The following ZC3H12B variants were observed in gnomAD, a reference collection of about 807,000 sequenced individuals.
ZC3H12B encodes zinc finger CCCH-type containing 12B.
In ZC3H12B, 7 loss-of-function variants were observed where a neutral mutation model predicts 43.9. The ratio of observed to expected loss-of-function variants is 0.16; its 90% confidence interval spans 0.09 to 0.30. ZC3H12B has a LOEUF of 0.30. Among genes scored for constraint, ZC3H12B ranks in the 10% least tolerant of loss-of-function variants. The pLI, the probability that ZC3H12B is intolerant of heterozygous loss-of-function variation, is 1.00. For missense variants in ZC3H12B, 475 were observed against 670.2 expected (o/e 0.71, Z 3.22); for synonymous variants, 222 against 241.7 (o/e 0.92, Z 0.76).
At chrX:65,079,981 T>C in the ZC3H12B span, among the ~76,000 whole-genome samples, 1 of 110,844 alleles carries the variant, frequency 9.0e-6, no homozygotes, top group Non-Finnish European at 1.9e-5. Context: ...GAAGATAACA[T>C]GGAGTTGGAA....
At chrX:65,154,693 A>G in the ZC3H12B span, among the ~76,000 whole-genome samples, 61 of 111,252 alleles carry the variant, frequency 5.5e-4, no homozygotes, top group African/African-American at 2.0e-3. Flanking sequence ...CTACAAAAAT[A>G]AAAGAATTAG....
At chrX:65,329,646 T>G in the ZC3H12B span, among the ~76,000 whole-genome samples, 2 of 110,774 alleles carry the variant, frequency 1.8e-5, no homozygotes, top group African/African-American at 3.4e-5. Context: ...CTGAATGGTA[T>G]TGCCTAGGTT....
chrX:65,412,124 C>T (rs1054704094), intron 3 of ZC3H12B, among the ~76,000 whole-genome samples: 2 of 111,171 alleles, frequency 1.8e-5, no homozygotes, highest in Non-Finnish European at 3.8e-5. Context: ...AAACCCTTTA[C>T]CCATTAAGCA....
At chrX:65,162,798 C>T in the ZC3H12B span, among the ~76,000 whole-genome samples, 6 of 112,412 alleles carry the variant, frequency 5.3e-5, no homozygotes, top group African/African-American at 1.9e-4. Flanking sequence ...AGCTTTGCTC[C>T]TTTGCTGGTG....
the ZC3H12B span, among the ~76,000 whole-genome samples, chrX:65,231,144 C>A: frequency 9.0e-6 from 1 of 110,674 alleles, no homozygotes; most frequent in Admixed American, 9.7e-5. Flanking sequence ...ATTGGTAGGA[C>A]CATGATGACA....
intron 3 of ZC3H12B, among the ~76,000 whole-genome samples, chrX:65,413,062 T>C (rs2066922349): frequency 8.9e-6 from 1 of 111,804 alleles, no homozygotes; most frequent in Non-Finnish European, 1.9e-5. Flanking sequence ...GAGCATCTTT[T>C]CATGTGCTTG....
the ZC3H12B span, among the ~76,000 whole-genome samples, chrX:65,069,060 TATCTTTG>T: frequency 9.1e-6 from 1 of 110,325 alleles, no homozygotes; most frequent in Non-Finnish European, 1.9e-5. Context: ...GATTTTTCTT[TATCTTTG>T]ATCTTTGGGA....
the ZC3H12B span, among the ~76,000 whole-genome samples, chrX:65,216,734 G>T: frequency 8.9e-6 from 1 of 111,756 alleles, no homozygotes; most frequent in South Asian, 3.8e-4. Context: ...GAGATCAGAA[G>T]ACTTTTTTCT....
the ZC3H12B span, among the ~76,000 whole-genome samples, chrX:65,347,101 G>A: frequency 3.6e-5 from 4 of 112,293 alleles, no homozygotes; most frequent in African/African-American, 1.3e-4. Flanking sequence ...GCTTCCAGAG[G>A]AAAGATCAGG....
At chrX:65,222,646 AT>A in the ZC3H12B span, among the ~76,000 whole-genome samples, 1,642 of 101,951 alleles carry the variant, frequency 0.016, 17 homozygotes, top group South Asian at 0.05. Flanking sequence ...AATAATAATA[AT>A]AATAAAACAC....
chrX:65,224,365 C>T, the ZC3H12B span, among the ~76,000 whole-genome samples: 2 of 112,179 alleles, frequency 1.8e-5, no homozygotes, highest in East Asian at 5.6e-4. Context: ...TGATGGGTTC[C>T]CCAAAATCTC....
At chrX:65,159,640 T>A in the ZC3H12B span, among the ~76,000 whole-genome samples, 1 of 112,115 alleles carries the variant, frequency 8.9e-6, no homozygotes, top group Non-Finnish European at 1.9e-5. Context: ...TGAAGTTGCT[T>A]ATCAGCTTAA....
At chrX:65,132,371 T>G in the ZC3H12B span, among the ~76,000 whole-genome samples, 1 of 110,912 alleles carries the variant, frequency 9.0e-6, no homozygotes, top group South Asian at 3.8e-4. Context: ...TTAATCCCCT[T>G]AAAGCCTGTT....
At chrX:65,175,752 C>T in the ZC3H12B span, among the ~76,000 whole-genome samples, 6 of 111,367 alleles carry the variant, frequency 5.4e-5, no homozygotes, top group Admixed American at 9.5e-5. Flanking sequence ...TCATGAAGCA[C>T]GGTGGGGCGT....
the ZC3H12B span, among the ~76,000 whole-genome samples, chrX:65,358,242 T>C: frequency 5.4e-5 from 6 of 110,994 alleles, no homozygotes; most frequent in Admixed American, 4.8e-4. Context: ...CACACAATAA[T>C]AGTGGGAGAC....
the ZC3H12B span, among the ~76,000 whole-genome samples, chrX:65,226,688 G>T: frequency 1.2e-4 from 13 of 111,018 alleles, no homozygotes; most frequent in African/African-American, 3.9e-4. Context: ...TGGAGAAAGA[G>T]CTACCAAGCA....
the ZC3H12B span, among the ~76,000 whole-genome samples, chrX:65,159,215 C>T: frequency 0.083 from 9,216 of 111,611 alleles, 1,025 homozygotes; most frequent in African/African-American, 0.29. Flanking sequence ...ATGATGCCTC[C>T]AGCTTTGTTC....
chrX:65,335,033 C>T, the ZC3H12B span, among the ~76,000 whole-genome samples: 2 of 111,302 alleles, frequency 1.8e-5, no homozygotes, highest in African/African-American at 3.3e-5. Context: ...CTCATAACTG[C>T]CATAAGCTAT....
the ZC3H12B span, among the ~76,000 whole-genome samples, chrX:65,097,561 T>G: frequency 1.8e-5 from 2 of 111,895 alleles, no homozygotes; most frequent in East Asian, 5.6e-4. Context: ...TTGTAATGTA[T>G]CTGGTCCTGG....
Sources: allele counts gnomAD v4.1 joint callset (sites outside exome capture counted in the v4.1 genomes callset), GRCh38; gene constraint gnomAD v4.1.1; transcripts MANE v1.5; gene names NCBI Gene and HGNC (gene_info 2026-07-23, HGNC 2026-07-21).